WDR89: variants seen among roughly 807,000 people sequenced by gnomAD.
The protein encoded by WDR89 is WD repeat-containing protein 89.
A neutral mutation model predicts 29.1 loss-of-function variants in WDR89; 17 were observed. The ratio of observed to expected loss-of-function variants is 0.58; its 90% CI spans 0.40 to 0.88. The LOEUF (loss-of-function observed/expected upper bound fraction) is 0.88. Among genes scored for constraint, WDR89 ranks in the 40% least tolerant of loss-of-function variants. The pLI is 0.00. For missense variants in WDR89, 396 were observed against 456.3 expected (o/e 0.87, Z 1.20); for synonymous variants, 138 against 157.8 (o/e 0.87, Z 0.94).
intron 1 of WDR89, among the ~76,000 whole-genome samples, chr14:63,626,115 G>A (rs970260854): frequency 6.6e-6 from 1 of 152,060 alleles, no homozygotes; most frequent in African/African-American, 2.4e-5. Flanking sequence ...GCCTCCCAAA[G>A]TGCTAGGATC....
intron 2 of WDR89, chr14:63,621,818 A>C (rs78249945): frequency 1.3e-5 from 2 of 152,162 alleles, no homozygotes; most frequent in African/African-American, 4.8e-5. Context: ...TTACAGGTCA[A>C]ACTCCCTGTT....
rs372385758 is a variant in WDR89, at chr14:63,606,247, CTG to C, written c.-31-6276_-31-6275del. Among the ~76,000 whole-genome samples the C allele has an allele frequency of 3.7e-3, 561 of 152,200 alleles. 3 individuals are homozygous for C. Among genetic ancestry groups the C allele is most frequent in the African/African-American group, 0.013 (540 of 41,538 alleles). ...ACAGGCATGAGCCACTGTCCCCAGC[CTG>C]TGTCTCAATTTTTAACAAAAGAGTT... is the stretch of plus-strand genomic sequence containing the variant. On this transcript the variant is annotated intron_variant, in intron 2 of 2. Transcript: ENST00000620954.
chr14:63,600,995 G>T (rs969407554), intron 2 of WDR89, among the ~76,000 whole-genome samples: 26 of 152,190 alleles, frequency 1.7e-4, no homozygotes, highest in African/African-American at 6.3e-4. Context: ...ATAGAAGAAA[G>T]GCAAAGACAC....
intron 2 of WDR89, among the ~76,000 whole-genome samples, chr14:63,622,200 C>T (rs571201920): frequency 6.6e-6 from 1 of 151,898 alleles, no homozygotes; most frequent in South Asian, 2.1e-4. Context: ...TTTGGAAGGC[C>T]GAGGTGGGTG....
chr14:63,598,650 T>A lies in WDR89; in HGVS notation c.*129A>T. On this transcript the variant is annotated 3_prime_UTR_variant, in exon 3 of 3. Transcript: ENST00000620954. ...GACCGGAATTAAACCATTCTCACCATATTTTTCCAGGACTGTTTGCTAACT... is the reference window on the plus strand; with the variant it reads ...GACCGGAATTAAACCATTCTCACCAAATTTTTCCAGGACTGTTTGCTAACT... The A allele has an allele frequency of 1.3e-6, 1 of 792,882 alleles. No homozygotes were observed. Among genetic ancestry groups the A allele is most frequent in the South Asian group, 3.4e-5 (1 of 29,426 alleles). The allele number at this position is 792,882 out of a possible 1,614,324, so 49.1% of individuals were successfully genotyped here.
At position 63,600,650 on chromosome 14, in the gene WDR89, T is replaced by G. The variant is rs568165742; in HGVS notation, c.-31-677A>C. On this transcript the variant is annotated intron_variant, in intron 2 of 2. Transcript: ENST00000620954. ...TTCAGGATTGGCAAGGATCTCCACTTTGGAATAATCTTCTCCTGGCCCCAG... is the reference window on the plus strand; with the variant it reads ...TTCAGGATTGGCAAGGATCTCCACTGTGGAATAATCTTCTCCTGGCCCCAG... Among the ~76,000 whole-genome samples, 3 of 145,220 alleles carry G rather than the reference T, an allele frequency of 2.1e-5. No homozygotes were observed. In the East Asian group the frequency reaches 6.1e-4, roughly 30 times the overall value.
intron 2 of WDR89, among the ~76,000 whole-genome samples, chr14:63,620,470 G>C (rs528317145): frequency 6.6e-4 from 100 of 152,276 alleles, no homozygotes; most frequent in Middle Eastern, 3.4e-3. Context: ...GGGGAGGAGG[G>C]AGAATCAGGG....
intron 1 of WDR89, among the ~76,000 whole-genome samples, chr14:63,638,176 C>T (rs1883864032): frequency 6.6e-6 from 1 of 152,216 alleles, no homozygotes; most frequent in African/African-American, 2.4e-5. Flanking sequence ...AACTCCTGAC[C>T]TCAGGTAATC....
chr14:63,624,066 TATG>T (rs1457846250), intron 2 of WDR89, among the ~76,000 whole-genome samples: 2 of 152,160 alleles, frequency 1.3e-5, no homozygotes, highest in Non-Finnish European at 2.9e-5. Flanking sequence ...AAAGGGAATC[TATG>T]ACCTTTGGTT....
chr14:63,626,676 CAAAAAAAAAAAAAAAAA>C (rs35582220), intron 1 of WDR89, among the ~76,000 whole-genome samples: 8,696 of 35,444 alleles, frequency 0.25, 772 homozygotes, highest in Middle Eastern at 0.46. Context: ...GAGACTGTCT[CAAAAAAAAAAAAAAAAA>C]AAAAAAAAAA....
chr14:63,622,674 C>G (rs1489121070), intron 2 of WDR89, among the ~76,000 whole-genome samples: 9 of 149,628 alleles, frequency 6.0e-5, no homozygotes, highest in Admixed American at 4.7e-4. Flanking sequence ...GGCTGAGGCA[C>G]AAGAATTGCT....
chr14:63,629,276 A>C (rs1883253986), intron 1 of WDR89, among the ~76,000 whole-genome samples: 1 of 152,238 alleles, frequency 6.6e-6, no homozygotes, highest in Non-Finnish European at 1.5e-5. Flanking sequence ...ATACCAGATC[A>C]AGTCTTTAGT....
At chr14:63,608,135 G>A (rs1011170557) in intron 2 of WDR89, among the ~76,000 whole-genome samples, 1 of 152,222 alleles carries the variant, frequency 6.6e-6, no homozygotes, top group Non-Finnish European at 1.5e-5. Flanking sequence ...GAACCTGGGA[G>A]GCGGAGGTTG....
rs1474703790 is a variant in WDR89 at position 63,604,992 on chromosome 14, A to G, written c.-31-5019T>C. On this transcript the variant is annotated intron_variant, in intron 2 of 2. Transcript: ENST00000620954. ...AAGAAACCCCTTCTCTACACAAAAA[A>G]TACAAAAATTAGCCAGGCATGGTGG... Among the ~76,000 whole-genome samples, 3 of 152,080 alleles carry G rather than the reference A, an allele frequency of 2.0e-5. No individual in the cohort carries two copies. In the East Asian group the frequency reaches 5.8e-4, roughly 29 times the overall value.
At chr14:63,627,111 A>G (rs75762309) in intron 1 of WDR89, among the ~76,000 whole-genome samples, 3,194 of 147,306 alleles carry the variant, frequency 0.022, 104 homozygotes, top group African/African-American at 0.078. Flanking sequence ...ACAGAATAAG[A>G]CTTTGTCTCT....
chr14:63,627,363 AT>A (rs1325443060), intron 1 of WDR89, among the ~76,000 whole-genome samples: 1 of 152,208 alleles, frequency 6.6e-6, no homozygotes, highest in Non-Finnish European at 1.5e-5. Context: ...CAGCCTGAAT[AT>A]CCATTAATTG....
chr14:63,601,445 C>T, intron 2 of WDR89: 1 of 983,932 alleles, frequency 1.0e-6, no homozygotes, highest in Non-Finnish European at 1.6e-6. Context: ...AACATGCATG[C>T]CTAGTAACAC....
intron 2 of WDR89, among the ~76,000 whole-genome samples, chr14:63,621,197 A>T (rs1250070780): frequency 6.6e-6 from 1 of 152,214 alleles, no homozygotes; most frequent in African/African-American, 2.4e-5. Context: ...AGTTTCTCAT[A>T]AAGCTAAACA....
intron 2 of WDR89, chr14:63,618,171 G>C (rs1334530945): frequency 6.6e-6 from 1 of 152,132 alleles, no homozygotes; most frequent in Non-Finnish European, 1.5e-5. Context: ...GTGTTAGAGA[G>C]AGACAGGGTC....
Sources: allele counts gnomAD v4.1 joint callset (sites outside exome capture counted in the v4.1 genomes callset), GRCh38; gene constraint gnomAD v4.1.1; transcripts MANE v1.5; gene names NCBI Gene and HGNC (gene_info 2026-07-23, HGNC 2026-07-21).